Variants in NSMCE2 observed in about 807,000 individuals in gnomAD.
The protein encoded by NSMCE2 is NSE2 SUMO ligase component of SMC5/6 complex, also known as E3 SUMO-protein ligase NSE2.
In NSMCE2, 24 loss-of-function variants were observed where a neutral mutation model predicts 23.8. The observed-to-expected ratio is 1.01, with a 90% CI of 0.73 to 1.42. NSMCE2 has a LOEUF of 1.42. Ranked by LOEUF, NSMCE2 falls within the 40% of genes most tolerant of loss-of-function variation. NSMCE2 has a pLI of 0.00. For synonymous variants in NSMCE2, 92 were observed against 94.1 expected, an observed-to-expected ratio of 0.98 and a Z score of 0.13; for missense variants, 284 against 296.5, an observed-to-expected ratio of 0.96 and a Z score of 0.31.
chr8:125,186,671 G>T (rs138830995), intron 5 of NSMCE2, among the ~76,000 whole-genome samples: 17 of 152,290 alleles, frequency 1.1e-4, no homozygotes, highest in Admixed American at 4.6e-4. Context: ...AAACAGGAAT[G>T]CCATGCCAGT....
chr8:125,158,678 C>T (rs1358890933), intron 4 of NSMCE2, among the ~76,000 whole-genome samples: 2 of 152,164 alleles, frequency 1.3e-5, no homozygotes, highest in Admixed American at 1.3e-4. Flanking sequence ...CCACATACAG[C>T]ATTAAACCTT....
intron 3 of NSMCE2, among the ~76,000 whole-genome samples, chr8:125,108,932 T>C (rs1050955700): frequency 7.9e-5 from 12 of 152,182 alleles, no homozygotes; most frequent in Non-Finnish European, 1.8e-4. Flanking sequence ...ACCTTATCAT[T>C]GGAAGGTTTA....
In NSMCE2 at chr8:125,259,029, A is replaced by G. The variant is rs562337177; in HGVS notation, c.418+76773A>G. 6.6e-5 allele frequency among the ~76,000 whole-genome samples: 10 copies of G among 152,242 alleles called. 1 individual carries two copies. The South Asian group carries it at 1.9e-3, about 28-fold the overall frequency. ...GCGATTCTCCTGCCTCAGCCTCCCA[A>G]GTAGCTGGGATTACAGGCATGCACT... On this transcript the variant is annotated intron_variant, in intron 5 of 7. Coordinates refer to ENST00000287437, the MANE Select transcript of NSMCE2 (RefSeq NM_173685.4).
chr8:125,336,990 G>C (rs10100566), intron 5 of NSMCE2, among the ~76,000 whole-genome samples: 67,028 of 152,176 alleles, frequency 0.44, 17,062 homozygotes, highest in East Asian at 0.56. Context: ...CCCAACATCT[G>C]ATCCTCTTGC....
At chr8:125,277,851 C>A (rs1827533113) in intron 5 of NSMCE2, among the ~76,000 whole-genome samples, 1 of 152,302 alleles carries the variant, frequency 6.6e-6, no homozygotes, top group East Asian at 1.9e-4. Context: ...GCAGTCATTA[C>A]TGAGAAATCA....
chr8:125,343,960 C>A (rs977663640), intron 5 of NSMCE2, among the ~76,000 whole-genome samples: 2 of 152,100 alleles, frequency 1.3e-5, no homozygotes, highest in African/African-American at 4.8e-5. Context: ...GAGCCGAGAT[C>A]GCGCCACTGC....
intron 4 of NSMCE2, among the ~76,000 whole-genome samples, chr8:125,160,467 G>A (rs906407657): frequency 6.6e-6 from 1 of 152,168 alleles, no homozygotes; most frequent in Non-Finnish European, 1.5e-5. Flanking sequence ...GTTGGGGGTG[G>A]CTTGGGGTAT....
chr8:125,106,853 G>A (rs1586434484), intron 3 of NSMCE2, among the ~76,000 whole-genome samples: 1 of 151,150 alleles, frequency 6.6e-6, no homozygotes, highest in Admixed American at 6.6e-5. Context: ...AAAATTACCT[G>A]AGCGTGGTGG....
intron 5 of NSMCE2, among the ~76,000 whole-genome samples, chr8:125,291,609 TG>T (rs1563766617): frequency 6.6e-6 from 1 of 152,188 alleles, no homozygotes; most frequent in East Asian, 1.9e-4. Flanking sequence ...TACACCGGGA[TG>T]TGTTTTCAGT....
intron 3 of NSMCE2, among the ~76,000 whole-genome samples, chr8:125,116,765 A>G (rs1295528059): frequency 6.6e-6 from 1 of 152,222 alleles, no homozygotes; most frequent in Non-Finnish European, 1.5e-5. Context: ...ATTTTCTTCT[A>G]AGTGATATGT....
At chr8:125,171,359 T>G (rs1006217305) in intron 4 of NSMCE2, among the ~76,000 whole-genome samples, 1 of 152,138 alleles carries the variant, frequency 6.6e-6, no homozygotes, top group Non-Finnish European at 1.5e-5. Context: ...AAGTCTAGGG[T>G]TAGTAGTATG....
intron 5 of NSMCE2, among the ~76,000 whole-genome samples, chr8:125,230,973 T>G (rs1490537522): frequency 6.6e-6 from 1 of 152,210 alleles, no homozygotes; most frequent in Non-Finnish European, 1.5e-5. Flanking sequence ...GAGACCCTGA[T>G]AGAGGATTAA....
chr8:125,288,372 A>G (rs1827978994), intron 5 of NSMCE2, among the ~76,000 whole-genome samples: 1 of 152,180 alleles, frequency 6.6e-6, no homozygotes, highest in Non-Finnish European at 1.5e-5. Context: ...CAGGTAGTGC[A>G]TCATACACTG....
intron 5 of NSMCE2, among the ~76,000 whole-genome samples, chr8:125,355,761 C>A (rs2131363895): frequency 6.9e-6 from 1 of 144,858 alleles, no homozygotes; most frequent in Non-Finnish European, 1.5e-5. Context: ...TTACAAGTAT[C>A]TTTTCTTCAG....
At chr8:125,122,171 C>CTAAA (rs1563663082) in intron 3 of NSMCE2, among the ~76,000 whole-genome samples, 1 of 86,418 alleles carries the variant, frequency 1.2e-5, no homozygotes. Flanking sequence ...TCTGGCTGAG[C>CTAAA]CAAAAAAAAA....
At chr8:125,159,977 G>A (rs893627619) in intron 4 of NSMCE2, among the ~76,000 whole-genome samples, 1 of 150,964 alleles carries the variant, frequency 6.6e-6, no homozygotes, top group Non-Finnish European at 1.5e-5. Flanking sequence ...AAAAAAAATT[G>A]TTCAGTTGGT....
intron 3 of NSMCE2, among the ~76,000 whole-genome samples, chr8:125,125,001 G>A (rs1187524104): frequency 6.6e-6 from 1 of 151,846 alleles, no homozygotes; most frequent in Non-Finnish European, 1.5e-5. Flanking sequence ...CACTATGTTG[G>A]CCAGGCTGGT....
intron 5 of NSMCE2, among the ~76,000 whole-genome samples, chr8:125,295,530 G>T (rs1021940376): frequency 6.6e-6 from 1 of 152,152 alleles, no homozygotes. Flanking sequence ...CACACAGGTC[G>T]GAATTCTCTT....
At chr8:125,321,781 A>C (rs984043328) in intron 5 of NSMCE2, among the ~76,000 whole-genome samples, 1 of 152,204 alleles carries the variant, frequency 6.6e-6, no homozygotes, top group Non-Finnish European at 1.5e-5. Flanking sequence ...AGAGCAAAAA[A>C]AGAAAAATCA....
Sources: allele counts gnomAD v4.1 joint callset (sites outside exome capture counted in the v4.1 genomes callset), GRCh38; gene constraint gnomAD v4.1.1; transcripts MANE v1.5; gene names NCBI Gene and HGNC (gene_info 2026-07-23, HGNC 2026-07-21).